The following ASTN2 variants were observed in gnomAD, a reference collection of about 807,000 sequenced individuals.
ASTN2 encodes astrotactin-2.
A neutral mutation model predicts 139.8 loss-of-function variants in ASTN2; 54 were observed. The ratio of observed to expected loss-of-function variants is 0.39; its 90% CI spans 0.31 to 0.48. ASTN2 has a LOEUF of 0.48. Ranked by LOEUF, ASTN2 falls within the 20% of genes least tolerant of loss-of-function variation. The pLI is 0.95. For synonymous variants in ASTN2, 756 were observed against 719.5 expected, an observed-to-expected ratio of 1.05 and a Z score of -0.81; for missense variants, 1,565 against 1,725.1, an observed-to-expected ratio of 0.91 and a Z score of 1.64.
intron 20 of ASTN2, among the ~76,000 whole-genome samples, chr9:116,481,438 A>C (rs1753165392): frequency 6.6e-6 from 1 of 152,188 alleles, no homozygotes; most frequent in Admixed American, 6.5e-5. Flanking sequence ...AACTTGCCCA[A>C]GGCCACACAG....
intron 1 of ASTN2, among the ~76,000 whole-genome samples, chr9:117,362,542 G>A (rs1829721714): frequency 6.6e-6 from 1 of 152,078 alleles, no homozygotes; most frequent in Non-Finnish European, 1.5e-5. Context: ...GTGGGTGAGG[G>A]GGTCCTATGG....
intron 6 of ASTN2, among the ~76,000 whole-genome samples, chr9:117,022,042 G>A (rs1045291967): frequency 6.6e-6 from 1 of 152,058 alleles, no homozygotes; most frequent in Non-Finnish European, 1.5e-5. Flanking sequence ...GTAATCAAAA[G>A]CCCATTCTGT....
At chr9:117,188,790 T>C (rs1286105104) in intron 3 of ASTN2, among the ~76,000 whole-genome samples, 1 of 152,154 alleles carries the variant, frequency 6.6e-6, no homozygotes, top group Non-Finnish European at 1.5e-5. Context: ...CAAGGAATAA[T>C]GATTCTATGG....
intron 19 of ASTN2, among the ~76,000 whole-genome samples, chr9:116,592,876 A>G (rs2131735723): frequency 6.6e-6 from 1 of 152,322 alleles, no homozygotes; most frequent in Admixed American, 6.5e-5. Flanking sequence ...TTTTCCCTTC[A>G]TAATGTTGCC....
At chr9:116,844,484 T>C (rs1832365128) in intron 11 of ASTN2, among the ~76,000 whole-genome samples, 1 of 152,212 alleles carries the variant, frequency 6.6e-6, no homozygotes, top group Non-Finnish European at 1.5e-5. Flanking sequence ...GAATCCCACC[T>C]GTCTTTGCCA....
At chr9:117,181,493 G>A (rs1311498287) in intron 3 of ASTN2, among the ~76,000 whole-genome samples, 2 of 152,122 alleles carry the variant, frequency 1.3e-5, no homozygotes, top group Non-Finnish European at 2.9e-5. Context: ...TCTGTACATG[G>A]AGTGTGCACT....
At chr9:116,856,004 T>C (rs140081794) in intron 11 of ASTN2, among the ~76,000 whole-genome samples, 83 of 152,304 alleles carry the variant, frequency 5.4e-4, no homozygotes, top group African/African-American at 1.8e-3. Flanking sequence ...ATATAGAGAA[T>C]TCTCTGTCTG....
At chr9:116,496,827 G>A (rs1391640706) in intron 19 of ASTN2, among the ~76,000 whole-genome samples, 1 of 152,180 alleles carries the variant, frequency 6.6e-6, no homozygotes, top group African/African-American at 2.4e-5. Context: ...TTGTGCAGGG[G>A]AACTGTCCTT....
At chr9:116,734,440 G>A (rs901715925) in intron 13 of ASTN2, among the ~76,000 whole-genome samples, 1 of 152,100 alleles carries the variant, frequency 6.6e-6, no homozygotes, top group Non-Finnish European at 1.5e-5. Context: ...CTGAGGGTGT[G>A]CAAGCAGAAA....
chr9:117,395,900 C>A (rs72766135), intron 1 of ASTN2, among the ~76,000 whole-genome samples: 1 of 152,316 alleles, frequency 6.6e-6, no homozygotes, highest in Non-Finnish European at 1.5e-5. Context: ...TGAACAACAA[C>A]AAGAAGAATC....
chr9:117,248,404 C>T (rs1276293115), intron 2 of ASTN2, among the ~76,000 whole-genome samples: 1 of 152,176 alleles, frequency 6.6e-6, no homozygotes, highest in Non-Finnish European at 1.5e-5. Context: ...GAGGAAAGAC[C>T]TTCCAGTGAA....
intron 1 of ASTN2, among the ~76,000 whole-genome samples, chr9:117,411,688 G>A (rs1444849312): frequency 1.3e-5 from 2 of 152,052 alleles, no homozygotes; most frequent in Non-Finnish European, 2.9e-5. Context: ...CACTAATTCT[G>A]GTCCCAGGAC....
chr9:117,364,589 G>A (rs1829782586), intron 1 of ASTN2, among the ~76,000 whole-genome samples: 1 of 152,102 alleles, frequency 6.6e-6, no homozygotes, highest in Admixed American at 6.6e-5. Flanking sequence ...CTGAAGAGCG[G>A]GGTTTAAAAT....
At chr9:116,638,996 T>C (rs2131886943) in intron 17 of ASTN2, among the ~76,000 whole-genome samples, 1 of 152,332 alleles carries the variant, frequency 6.6e-6, no homozygotes, top group Non-Finnish European at 1.5e-5. Context: ...GTTTCAAAAT[T>C]ACCAGGGCAG....
At chr9:116,898,409 C>CAAAA (rs60880553) in intron 10 of ASTN2, among the ~76,000 whole-genome samples, 3,005 of 138,598 alleles carry the variant, frequency 0.022, 114 homozygotes, top group African/African-American at 0.075. Context: ...GACCCTGTCT[C>CAAAA]AAAAAAAAAA....
intron 3 of ASTN2, among the ~76,000 whole-genome samples, chr9:117,173,192 A>G (rs1024331568): frequency 5.3e-5 from 8 of 152,326 alleles, no homozygotes; most frequent in African/African-American, 1.9e-4. Flanking sequence ...ATAAAACCAC[A>G]GCAATCCAAA....
intron 10 of ASTN2, among the ~76,000 whole-genome samples, chr9:116,889,821 C>A (rs1833717273): frequency 6.6e-6 from 1 of 151,556 alleles, no homozygotes; most frequent in African/African-American, 2.4e-5. Flanking sequence ...GTCCCAGATA[C>A]TTGGAAGGCT....
intron 2 of ASTN2, among the ~76,000 whole-genome samples, chr9:117,252,290 T>C (rs1216954547): frequency 3.3e-5 from 5 of 152,172 alleles, no homozygotes; most frequent in African/African-American, 1.2e-4. Context: ...TGGCCAGAAC[T>C]CTGGAGGCAA....
chr9:117,025,678 C>T (rs567121923), intron 6 of ASTN2, among the ~76,000 whole-genome samples: 13 of 152,268 alleles, frequency 8.5e-5, no homozygotes, highest in African/African-American at 2.6e-4. Flanking sequence ...GAGCAGCCTT[C>T]AGAGATCCGG....
Sources: gnomAD v4.1 joint callset for allele counts (sites outside exome capture counted in the v4.1 genomes callset) on GRCh38, gnomAD v4.1.1 for gene constraint, MANE v1.5 for transcripts, NCBI Gene and HGNC (gene_info 2026-07-23, HGNC 2026-07-21) for gene names.